SC5D: variants seen among roughly 807,000 people sequenced by gnomAD.
SC5D encodes the protein sterol-C5-desaturase.
In SC5D, 21 loss-of-function variants were observed where a neutral mutation model predicts 23.9. The observed-to-expected ratio is 0.88, with a 90% CI of 0.62 to 1.26. The LOEUF (loss-of-function observed/expected upper bound fraction) is 1.26, where lower values mean the gene tolerates loss of function less well. SC5D is among the 50% of genes most tolerant of loss of function. The probability of loss-of-function intolerance (pLI) is 0.00; values close to 1 mark genes in which losing one functional copy is unlikely to be tolerated. For synonymous variants in SC5D, 113 were observed against 125.9 expected (o/e 0.90, Z 0.68); for missense variants, 309 against 364.8 (o/e 0.85, Z 1.25).
In SC5D at chr11:121,307,622, G is replaced by T; in HGVS notation, c.*110G>T. The T allele has an allele frequency of 1.3e-6, 1 of 746,918 alleles. No homozygotes were observed. The highest frequency in any genetic ancestry group is 2.7e-5 in the East Asian group (1 of 37,204). 46.3% of individuals were successfully genotyped at this position (746,918 alleles called of 1,614,324 possible). ...ATACAGTCAAGATACATAGTAAATGGTATCATTTGGAAATCAGCATCGTGG... is the reference window on the plus strand; with the variant it reads ...ATACAGTCAAGATACATAGTAAATGTTATCATTTGGAAATCAGCATCGTGG... On this transcript the variant is annotated 3_prime_UTR_variant, in exon 5 of 5. Coordinates refer to ENST00000264027, the MANE Select transcript of SC5D (RefSeq NM_006918.5).
rs1948021868 is a variant in SC5D at position 121,312,883 on chromosome 11, A to G, written c.*5371A>G. ...ACCTAGAAATTTAGTGCATATTCAA[A>G]TATTAAGACAGACACTGGTGTGGTG... On this transcript the variant is annotated 3_prime_UTR_variant, in exon 5 of 5. Transcript: ENST00000264027. Among the ~76,000 whole-genome samples the G allele has an allele frequency of 1.3e-5, 2 of 152,174 alleles. 1 individual carries two copies. Among genetic ancestry groups the G allele is most frequent in the South Asian group, 4.1e-4 (2 of 4,832 alleles).
chr11:121,307,641 A>G lies in SC5D; in HGVS notation c.*129A>G. ...TAAATGGTATCATTTGGAAATCAGC[A>G]TCGTGGGCACTGCTGAGGAATGATC... On this transcript the variant is annotated 3_prime_UTR_variant, in exon 5 of 5. Coordinates refer to ENST00000264027, the MANE Select transcript of SC5D (RefSeq NM_006918.5). 1 of 678,352 alleles carries G rather than the reference A, an allele frequency of 1.5e-6. No individual in the cohort carries two copies. Among genetic ancestry groups the G allele is most frequent in the Non-Finnish European group, 2.4e-6 (1 of 408,932 alleles). The allele number at this position is 678,352 out of a possible 1,614,324, so 42.0% of individuals were successfully genotyped here. A position where few individuals can be genotyped will look rare whatever the true frequency, so the allele number is the denominator to read the frequency against.
chr11:121,293,882 T>C (rs371352407), intron 1 of SC5D, among the ~76,000 whole-genome samples: 1 of 152,184 alleles, frequency 6.6e-6, no homozygotes, highest in East Asian at 1.9e-4. Flanking sequence ...AGAAAGGTTG[T>C]GGAATGTACA....
intron 1 of SC5D, among the ~76,000 whole-genome samples, chr11:121,301,719 A>C (rs1339875050): frequency 1.3e-5 from 2 of 152,160 alleles, no homozygotes; most frequent in Non-Finnish European, 2.9e-5. Context: ...AAAACTAGTC[A>C]ATCATATACT....
intron 1 of SC5D, among the ~76,000 whole-genome samples, chr11:121,294,635 T>C (rs559725519): frequency 1.7e-4 from 26 of 152,362 alleles, no homozygotes; most frequent in African/African-American, 6.0e-4. Context: ...TTATCTTCTA[T>C]TGAAGTAATT....
Position 121,297,087 on chromosome 11 carries a change from G to T in SC5D, c.-11+4271G>T, listed in dbSNP as rs575347275. Among the ~76,000 whole-genome samples, 70 of 152,312 alleles carry T rather than the reference G, an allele frequency of 4.6e-4. 1 individual carries two copies. Among genetic ancestry groups the T allele is most frequent in the Middle Eastern group, 3.4e-3 (1 of 294 alleles). Reference sequence around the variant, plus strand: ...CTTGATGAATATGTGAAAGTTTGATGATATCCCCTGCTAGTAAGATTGCAG... The same window carrying T: ...CTTGATGAATATGTGAAAGTTTGATTATATCCCCTGCTAGTAAGATTGCAG... On this transcript the variant is annotated intron_variant, in intron 1 of 4. Transcript: ENST00000264027.
intron 1 of SC5D, among the ~76,000 whole-genome samples, chr11:121,294,204 T>C (rs756826749): frequency 2.3e-4 from 35 of 152,210 alleles, no homozygotes; most frequent in Non-Finnish European, 4.0e-4. Flanking sequence ...AAGTTTCTGT[T>C]TGAAGCAGTG....
chr11:121,305,943 G>A (rs1054529263), intron 3 of SC5D: 10 of 202,472 alleles, frequency 4.9e-5, no homozygotes, highest in African/African-American at 2.4e-4. Context: ...AAATACAGGA[G>A]TGATGAGGTT....
chr11:121,306,181 AGTACT>A (rs1271088214), intron 3 of SC5D, 200 bp from the exon 4 acceptor site: 2 of 556,348 alleles, frequency 3.6e-6, no homozygotes, highest in Non-Finnish European at 6.4e-6. Context: ...GAACATTTCA[AGTACT>A]TATGCGAGGG....
At chr11:121,306,302 T>G in intron 3 of SC5D, 84 bp from the exon 4 acceptor site, 1 of 732,806 alleles carries the variant, frequency 1.4e-6, no homozygotes, top group South Asian at 1.5e-5. Context: ...GGATCCCATT[T>G]TGCACTCAGA....
chr11:121,310,285 G>C lies in SC5D; in HGVS notation c.*2773G>C, dbSNP rs925264245. On this transcript the variant is annotated 3_prime_UTR_variant, in exon 5 of 5. Coordinates refer to ENST00000264027, the MANE Select transcript of SC5D (RefSeq NM_006918.5). Reference sequence around the variant, plus strand: ...TTCAAAGACACTAACCAACTTGAGGGGTGCAGTGGTCTGAATGTGTCCTCC... The same window carrying C: ...TTCAAAGACACTAACCAACTTGAGGCGTGCAGTGGTCTGAATGTGTCCTCC... Among the ~76,000 whole-genome samples, 2 of 152,096 alleles carry C rather than the reference G, an allele frequency of 1.3e-5. No individual in the cohort carries two copies. Among genetic ancestry groups the C allele is most frequent in the African/African-American group, 2.4e-5 (1 of 41,414 alleles).
Position 121,312,467 on chromosome 11 carries a change from C to G in SC5D, c.*4955C>G, listed in dbSNP as rs981188471. 6.6e-6 allele frequency among the ~76,000 whole-genome samples: 1 copy of G among 152,106 alleles called. No homozygotes were observed. The highest frequency in any genetic ancestry group is 1.5e-5 in the Non-Finnish European group (1 of 67,990). On this transcript the variant is annotated 3_prime_UTR_variant, in exon 5 of 5. Coordinates refer to ENST00000264027, the MANE Select transcript of SC5D (RefSeq NM_006918.5). ...TTACATATTTTATTAATCACATTTT[C>G]TTAAACATTTGATAAGAGATTTAAT... is the stretch of plus-strand genomic sequence containing the variant.
intron 3 of SC5D, chr11:121,305,963 C>T (rs893231200): frequency 8.8e-5 from 19 of 215,472 alleles, no homozygotes; most frequent in East Asian, 3.7e-4. Context: ...TGGAAAGATC[C>T]GAAAGGGGTG....
Position 121,307,917 on chromosome 11 carries a change from C to A in SC5D, c.*405C>A. The stretch of plus-strand genomic sequence containing the variant: ...ATAATACCAAGACTAAGCACCATAA[C>A]CAAGAAATACTAATGTAAAGATTGT... On this transcript the variant is annotated 3_prime_UTR_variant, in exon 5 of 5. Coordinates refer to ENST00000264027, the MANE Select transcript of SC5D (RefSeq NM_006918.5). 1 of 160,528 alleles carries A rather than the reference C, an allele frequency of 6.2e-6. No homozygotes were observed. The highest frequency in any genetic ancestry group is 1.8e-4 in the East Asian group (1 of 5,480). 9.9% of individuals were successfully genotyped at this position (160,528 alleles called of 1,614,324 possible).
At chr11:121,299,897 A>G (rs1439510390) in intron 1 of SC5D, among the ~76,000 whole-genome samples, 1 of 152,222 alleles carries the variant, frequency 6.6e-6, no homozygotes, top group Non-Finnish European at 1.5e-5. Flanking sequence ...TTGTCTCTAA[A>G]TGAATAAATA....
intron 1 of SC5D, among the ~76,000 whole-genome samples, chr11:121,298,604 G>A (rs1565567246): frequency 1.3e-5 from 2 of 152,114 alleles, no homozygotes; most frequent in Admixed American, 6.5e-5. Flanking sequence ...CCATAAATAC[G>A]TCAGGAGAAG....
rs1203571778 is a variant in SC5D at position 121,309,860 on chromosome 11, T to C, written c.*2348T>C. 1.3e-5 allele frequency among the ~76,000 whole-genome samples: 2 copies of C among 152,258 alleles called. No individual in the cohort carries two copies. The highest frequency in any genetic ancestry group is 3.8e-4 in the East Asian group (2 of 5,200). On this transcript the variant is annotated 3_prime_UTR_variant, in exon 5 of 5. Coordinates refer to ENST00000264027, the MANE Select transcript of SC5D (RefSeq NM_006918.5). ...CAAATTACCTTCTACAGATGACTTT[T>C]ATAGTTACAGGACAGAAAGTGAAAA...
intron 1 of SC5D, among the ~76,000 whole-genome samples, chr11:121,296,224 C>G (rs1947888175): frequency 6.6e-6 from 1 of 152,130 alleles, no homozygotes; most frequent in Admixed American, 6.6e-5. Context: ...CTGATTGTAT[C>G]TTTTTCCTAC....
chr11:121,304,086 G>A (rs769695593), intron 2 of SC5D: 1 of 383,618 alleles, frequency 2.6e-6, no homozygotes, highest in Non-Finnish European at 4.8e-6. Context: ...AATTAGGAAA[G>A]AAATGGTTAT....
Sources: gnomAD v4.1 joint callset for allele counts (sites outside exome capture counted in the v4.1 genomes callset) on GRCh38, gnomAD v4.1.1 for gene constraint, MANE v1.5 for transcripts, NCBI Gene and HGNC (gene_info 2026-07-23, HGNC 2026-07-21) for gene names.